The following TAFA2 variants were observed in gnomAD, a reference collection of about 807,000 sequenced individuals.
TAFA2 encodes chemokine-like protein TAFA-2.
A neutral mutation model predicts 18.8 loss-of-function variants in TAFA2; 7 were observed. The ratio of observed to expected loss-of-function variants is 0.37; its 90% CI spans 0.21 to 0.70. The LOEUF is 0.70. Among genes scored for constraint, TAFA2 ranks in the 30% least tolerant of loss-of-function variants. The pLI is 0.53. For missense variants in TAFA2, 122 were observed against 158.1 expected, an observed-to-expected ratio of 0.77 and a Z score of 1.23; for synonymous variants, 60 against 54.2, an observed-to-expected ratio of 1.11 and a Z score of -0.47.
At chr12:62,178,709 C>T (rs1029990478) in intron 1 of TAFA2, among the ~76,000 whole-genome samples, 1 of 152,168 alleles carries the variant, frequency 6.6e-6, no homozygotes, top group East Asian at 1.9e-4. Context: ...TTATGGAACC[C>T]ATATCTTTTA....
intron 1 of TAFA2, among the ~76,000 whole-genome samples, chr12:62,029,485 A>C (rs577711281): frequency 1.1e-4 from 17 of 152,314 alleles, no homozygotes; most frequent in African/African-American, 4.1e-4. Context: ...TGCCAACCCT[A>C]GTAAACAGCA....
chr12:62,014,348 G>C (rs1373197666), intron 1 of TAFA2, among the ~76,000 whole-genome samples: 1 of 152,186 alleles, frequency 6.6e-6, no homozygotes, highest in Non-Finnish European at 1.5e-5. Context: ...TGATGTTCTG[G>C]CTGTGCGCAG....
chr12:62,015,974 T>C (rs1467226001), intron 1 of TAFA2, among the ~76,000 whole-genome samples: 1 of 152,224 alleles, frequency 6.6e-6, no homozygotes, highest in African/African-American at 2.4e-5. Flanking sequence ...ATGATGGTAA[T>C]GGTTGCACAA....
At chr12:61,833,067 T>C (rs1051318750) in intron 2 of TAFA2, among the ~76,000 whole-genome samples, 3 of 147,060 alleles carry the variant, frequency 2.0e-5, no homozygotes, top group Non-Finnish European at 4.5e-5. Context: ...TAAATATATA[T>C]ACATATATAA....
At chr12:62,131,000 A>G (rs530633514) in intron 1 of TAFA2, among the ~76,000 whole-genome samples, 245 of 152,150 alleles carry the variant, frequency 1.6e-3, no homozygotes, top group Non-Finnish European at 1.1e-3. Context: ...ACTGATTACA[A>G]TGTTGATGCA....
intron 1 of TAFA2, among the ~76,000 whole-genome samples, chr12:61,910,485 A>T (rs1381852322): frequency 6.6e-6 from 1 of 152,210 alleles, no homozygotes; most frequent in Non-Finnish European, 1.5e-5. Context: ...CTCTCAATTC[A>T]GTGACCAACA....
chr12:62,147,319 T>C (rs2062289993), intron 1 of TAFA2, among the ~76,000 whole-genome samples: 3 of 16,036 alleles, frequency 1.9e-4, no homozygotes, highest in Non-Finnish European at 3.5e-4. Context: ...TGTGTGTGTG[T>C]ATGTATGTAT....
At chr12:61,970,718 G>A (rs967384963) in intron 1 of TAFA2, among the ~76,000 whole-genome samples, 4 of 150,884 alleles carry the variant, frequency 2.7e-5, no homozygotes, top group Admixed American at 6.6e-5. Context: ...AATAATCACC[G>A]AGAAGTAGTT....
At chr12:61,873,766 T>C (rs1874722608) in intron 1 of TAFA2, among the ~76,000 whole-genome samples, 1 of 152,146 alleles carries the variant, frequency 6.6e-6, no homozygotes, top group Non-Finnish European at 1.5e-5. Flanking sequence ...ATGTCTAACC[T>C]GACTAGAATT....
intron 4 of TAFA2, among the ~76,000 whole-genome samples, chr12:61,748,857 G>T (rs1868863356): frequency 6.6e-6 from 1 of 151,294 alleles, no homozygotes; most frequent in African/African-American, 2.4e-5. Context: ...ATTTGAAATT[G>T]AATCTAGCAC....
At chr12:61,784,355 C>G (rs1870636138) in intron 2 of TAFA2, among the ~76,000 whole-genome samples, 1 of 151,366 alleles carries the variant, frequency 6.6e-6, no homozygotes, top group Non-Finnish European at 1.5e-5. Flanking sequence ...CCAAACACAT[C>G]AAGAGAGGTG....
chr12:62,031,415 C>T (rs554152156), intron 1 of TAFA2, among the ~76,000 whole-genome samples: 107 of 152,222 alleles, frequency 7.0e-4, no homozygotes, highest in Non-Finnish European at 1.3e-3. Context: ...GCTCTCTTTG[C>T]TCCTCAGCCT....
At chr12:62,019,881 G>A (rs1592553627) in intron 1 of TAFA2, among the ~76,000 whole-genome samples, 1 of 152,024 alleles carries the variant, frequency 6.6e-6, no homozygotes, top group East Asian at 1.9e-4. Context: ...CACAAATGAT[G>A]CTTCTGATTC....
At chr12:62,173,900 A>G (rs1463767307) in intron 1 of TAFA2, among the ~76,000 whole-genome samples, 2 of 152,218 alleles carry the variant, frequency 1.3e-5, no homozygotes, top group East Asian at 3.9e-4. Flanking sequence ...CATAGCGTAT[A>G]GGTGGAAAAT....
intron 2 of TAFA2, among the ~76,000 whole-genome samples, chr12:61,845,954 G>A (rs1045614126): frequency 2.0e-5 from 3 of 151,980 alleles, no homozygotes; most frequent in Non-Finnish European, 4.4e-5. Context: ...ACACTACAAG[G>A]GAATAGTTGT....
chr12:61,767,394 G>A (rs537252368), intron 2 of TAFA2, among the ~76,000 whole-genome samples: 5 of 152,192 alleles, frequency 3.3e-5, no homozygotes, highest in South Asian at 2.1e-4. Flanking sequence ...ATATTAAGAA[G>A]TGATTATTCC....
At chr12:62,251,758 T>TA (rs2062915036) in intron 1 of TAFA2, among the ~76,000 whole-genome samples, 1 of 152,158 alleles carries the variant, frequency 6.6e-6, no homozygotes, top group Non-Finnish European at 1.5e-5. Flanking sequence ...CTACATCAAT[T>TA]AGTTATTGCA....
At chr12:61,963,922 C>T (rs564377993) in intron 1 of TAFA2, among the ~76,000 whole-genome samples, 2 of 152,030 alleles carry the variant, frequency 1.3e-5, no homozygotes, top group Admixed American at 1.3e-4. Context: ...AGAAATAATG[C>T]CACACATGTA....
chr12:62,146,879 A>G (rs1268773660), intron 1 of TAFA2, among the ~76,000 whole-genome samples: 2 of 152,130 alleles, frequency 1.3e-5, no homozygotes, highest in Non-Finnish European at 2.9e-5. Context: ...TTGTTTGTAT[A>G]GAGACTAAGA....
Sources: allele counts gnomAD v4.1 joint callset (sites outside exome capture counted in the v4.1 genomes callset), GRCh38; gene constraint gnomAD v4.1.1; transcripts MANE v1.5; gene names NCBI Gene and HGNC (gene_info 2026-07-23, HGNC 2026-07-21).